DPYD: variants seen among roughly 807,000 people sequenced by gnomAD.
DPYD encodes dihydropyrimidine dehydrogenase, also known as dihydropyrimidine dehydrogenase [NADP(+)].
A neutral mutation model predicts 116.2 loss-of-function variants in DPYD; 109 were observed. That is an observed-to-expected ratio of 0.94 (90% CI 0.80 to 1.10). The LOEUF (loss-of-function observed/expected upper bound fraction) is 1.10. Ranked by LOEUF, DPYD falls within the 50% of genes least tolerant of loss-of-function variation. The pLI, the probability that DPYD is intolerant of heterozygous loss-of-function variation, is 0.00. For synonymous variants in DPYD, 440 were observed against 432.0 expected (o/e 1.02, Z -0.23); for missense variants, 1,302 against 1,254.5 (o/e 1.04, Z -0.57).
intron 8 of DPYD, among the ~76,000 whole-genome samples, chr1:97,601,087 T>A (rs1349095306): frequency 6.6e-6 from 1 of 152,124 alleles, no homozygotes; most frequent in East Asian, 1.9e-4. Flanking sequence ...AGCATTGACC[T>A]AGGGTCTAAA....
At chr1:97,571,155 T>C (rs1243093112) in intron 11 of DPYD, among the ~76,000 whole-genome samples, 1 of 151,744 alleles carries the variant, frequency 6.6e-6, no homozygotes, top group Non-Finnish European at 1.5e-5. Context: ...GGAGAGAAAA[T>C]GAACAAATTC....
chr1:97,760,199 T>C (rs1665495392), intron 3 of DPYD, among the ~76,000 whole-genome samples: 1 of 152,158 alleles, frequency 6.6e-6, no homozygotes. Context: ...GAAATTCTAG[T>C]CTGTATTGGA....
chr1:97,180,299 C>A (rs1189407928), intron 20 of DPYD, among the ~76,000 whole-genome samples: 1 of 152,048 alleles, frequency 6.6e-6, no homozygotes, highest in African/African-American at 2.4e-5. Flanking sequence ...AAAATTGTAT[C>A]TTCAAACTAA....
rs140989814 is a variant in DPYD at position 97,079,073 on chromosome 1, C to G, written c.2981G>C (p.Ser994Thr). The change falls in exon 23 of 23, where the codon AGT (serine) becomes ACT (threonine). Residue 994 changes from serine (S) to threonine (T), a missense_variant. Physicochemically the swap from Ser to Thr is moderately conservative, Grantham distance 58. Coordinates refer to ENST00000370192, the MANE Select transcript of DPYD (RefSeq NM_000110.4). ...DTCTGCTLCL[S>T]VCPIVDCIKM... The stretch of plus-strand genomic sequence containing the variant: ...GATGCAGTCGACAATAGGGCAAACA[C>G]TGAGACACAGAGTACAGCCTGTACA... The G allele has an allele frequency of 3.3e-5, 53 of 1,613,626 alleles. No homozygotes were observed. In the African/African-American group the frequency reaches 6.9e-4, roughly 21 times the overall value.
At chr1:97,125,374 AT>A (rs376952743) in intron 20 of DPYD, among the ~76,000 whole-genome samples, 2 of 152,094 alleles carry the variant, frequency 1.3e-5, no homozygotes, top group East Asian at 1.9e-4. Context: ...GTTCTGATGC[AT>A]TTTTTCTCAC....
At chr1:97,867,683 T>G (rs1318621161) in intron 2 of DPYD, among the ~76,000 whole-genome samples, 1 of 151,850 alleles carries the variant, frequency 6.6e-6, no homozygotes, top group African/African-American at 2.4e-5. Flanking sequence ...CCTTTCATTA[T>G]ACAAATACTG....
intron 7 of DPYD, among the ~76,000 whole-genome samples, chr1:97,685,884 A>T (rs1660700211): frequency 6.6e-6 from 1 of 152,160 alleles, no homozygotes; most frequent in African/African-American, 2.4e-5. Context: ...AGAATAATTA[A>T]TATGACAATA....
chr1:97,514,373 C>T (rs1648044527), intron 13 of DPYD: 1 of 462,014 alleles, frequency 2.2e-6, no homozygotes, highest in Admixed American at 6.4e-5. Context: ...AATTCTTCAC[C>T]TGTGCCCAAT....
intron 18 of DPYD, among the ~76,000 whole-genome samples, chr1:97,289,591 T>C (rs1665988294): frequency 6.6e-6 from 1 of 151,920 alleles, no homozygotes; most frequent in Non-Finnish European, 1.5e-5. Flanking sequence ...AAAAACCACA[T>C]GATTATCTCA....
chr1:97,289,234 T>C (rs959953761), intron 18 of DPYD, among the ~76,000 whole-genome samples: 11 of 151,800 alleles, frequency 7.2e-5, no homozygotes, highest in African/African-American at 2.4e-4. Flanking sequence ...CCAGATGGAT[T>C]CACAGCCGAA....
chr1:97,135,782 T>C (rs1250551201), intron 20 of DPYD, among the ~76,000 whole-genome samples: 2 of 152,192 alleles, frequency 1.3e-5, no homozygotes, highest in Non-Finnish European at 2.9e-5. Flanking sequence ...GATTGATTGA[T>C]AGCTGTCTTT....
rs1655722338 is a variant in DPYD at position 97,608,185 on chromosome 1, G to A, written c.851-13019C>T. On this transcript the variant is annotated intron_variant, in intron 8 of 22. Coordinates refer to ENST00000370192, the MANE Select transcript of DPYD (RefSeq NM_000110.4). ...TACAATGGAGAATATATTCGCACTG[G>A]AGCACTTTCTCAAGAAGTAAAAATT... 4.0e-5 allele frequency among the ~76,000 whole-genome samples: 6 copies of A among 151,812 alleles called. No individual in the cohort carries two copies. In the South Asian group the frequency reaches 1.2e-3, roughly 31 times the overall value.
chr1:97,857,373 G>A (rs1305312827), intron 2 of DPYD, among the ~76,000 whole-genome samples: 2 of 152,162 alleles, frequency 1.3e-5, no homozygotes, highest in Admixed American at 6.5e-5. Context: ...ATCAGGATAA[G>A]GCTGGTTACC....
chr1:97,200,874 G>A (rs1408176627), intron 19 of DPYD, among the ~76,000 whole-genome samples: 7 of 152,092 alleles, frequency 4.6e-5, no homozygotes, highest in African/African-American at 1.7e-4. Flanking sequence ...CTACAACACT[G>A]TCTGTCAATA....
chr1:97,509,509 T>C (rs999440100), intron 13 of DPYD, among the ~76,000 whole-genome samples: 2 of 151,904 alleles, frequency 1.3e-5, no homozygotes, highest in Admixed American at 6.6e-5. Context: ...ACATAATACA[T>C]CTCTAGAAAG....
chr1:97,269,041 T>C (rs983714422), intron 18 of DPYD, among the ~76,000 whole-genome samples: 2 of 152,182 alleles, frequency 1.3e-5, no homozygotes. Context: ...ATATAGCACC[T>C]TGAATGCTTT....
intron 3 of DPYD, among the ~76,000 whole-genome samples, chr1:97,778,155 CAAA>C (rs11434465): frequency 5.4e-4 from 6 of 11,040 alleles, no homozygotes; most frequent in Admixed American, 2.1e-3. Context: ...AAGACCCTGT[CAAA>C]AAAAAAAAAA....
At chr1:97,284,429 C>T (rs533269053) in intron 18 of DPYD, among the ~76,000 whole-genome samples, 6 of 152,050 alleles carry the variant, frequency 3.9e-5, no homozygotes, top group Admixed American at 3.9e-4. Flanking sequence ...TAAGCTTTTT[C>T]ATATTGGATA....
chr1:97,668,927 T>G (rs1659711770), intron 8 of DPYD, among the ~76,000 whole-genome samples: 1 of 152,202 alleles, frequency 6.6e-6, no homozygotes, highest in Admixed American at 6.6e-5. Context: ...TATTACTTTA[T>G]TCTCATAATG....
Sources: allele counts gnomAD v4.1 joint callset (sites outside exome capture counted in the v4.1 genomes callset), GRCh38; gene constraint gnomAD v4.1.1; transcripts MANE v1.5; gene names NCBI Gene and HGNC (gene_info 2026-07-23, HGNC 2026-07-21).